The following ILDR1 variants were observed in gnomAD, a reference collection of about 807,000 sequenced individuals.
The protein encoded by ILDR1 is immunoglobulin like domain containing receptor 1.
In ILDR1, 56 loss-of-function variants were observed where a neutral mutation model predicts 62.4. The observed-to-expected ratio is 0.90, with a 90% CI of 0.72 to 1.12. The LOEUF is 1.12. ILDR1 is among the 50% of genes most tolerant of loss of function. The pLI is 0.00. For missense variants in ILDR1, 736 were observed against 710.6 expected (o/e 1.04, Z -0.41); for synonymous variants, 284 against 277.8 (o/e 1.02, Z -0.22).
intron 1 of ILDR1, 105 bp from the exon 2 acceptor site, chr3:122,007,266 C>A: frequency 6.4e-7 from 1 of 1,566,354 alleles, no homozygotes. Flanking sequence ...CCTGCCTGAC[C>A]TGGCTAGGAG....
intron 7 of ILDR1, among the ~76,000 whole-genome samples, chr3:121,988,715 A>T (rs145111668): frequency 4.5e-4 from 68 of 152,338 alleles, no homozygotes; most frequent in African/African-American, 1.6e-3. Context: ...CCTTAGACTG[A>T]AAAAGGGGTA....
upstream of ILDR1, among the ~76,000 whole-genome samples, chr3:122,023,050 T>C (rs1273063610): frequency 1.3e-5 from 2 of 150,948 alleles, no homozygotes; most frequent in Non-Finnish European, 3.0e-5. Flanking sequence ...TAAAAAGTTA[T>C]GGGAGTTTAA....
At chr3:122,007,745 G>A (rs552035785) in intron 1 of ILDR1, among the ~76,000 whole-genome samples, 16 of 152,224 alleles carry the variant, frequency 1.1e-4, no homozygotes, top group African/African-American at 3.9e-4. Flanking sequence ...ACCTGCCACT[G>A]CTCCACTCTC....
chr3:122,047,613 G>A, the ILDR1 span, among the ~76,000 whole-genome samples: 14 of 152,342 alleles, frequency 9.2e-5, no homozygotes, highest in South Asian at 2.1e-4. Context: ...ATATAATCTC[G>A]TGGTTCGCCG....
intron 1 of ILDR1, among the ~76,000 whole-genome samples, chr3:122,019,245 A>T (rs2071822899): frequency 2.0e-5 from 3 of 152,256 alleles, no homozygotes; most frequent in Admixed American, 2.0e-4. Context: ...TTCACATATC[A>T]CTTGTGATAT....
the ILDR1 span, chr3:122,055,345 T>A: frequency 1.4e-6 from 1 of 701,540 alleles, no homozygotes; most frequent in East Asian, 2.5e-5. Context: ...TAAAGAAAGT[T>A]AGCTGGGTAG....
rs188797724 is a variant in ILDR1, at chr3:122,019,726, C to T, written c.58+2294G>A. On this transcript the variant is annotated intron_variant, in intron 1 of 7. Transcript: ENST00000344209. ...CCCAAGCCACAGTGACCAGCAAATA[C>T]CTAAATATGACACAATTTTACTACT... Among the ~76,000 whole-genome samples, 5 of 152,264 alleles carry T rather than the reference C, an allele frequency of 3.3e-5. No homozygotes were observed. The East Asian group carries it at 9.6e-4, about 29-fold the overall frequency.
At position 122,011,297 on chromosome 3, in the gene ILDR1, AG is replaced by A. The variant is rs137973036; in HGVS notation, c.59-4137del. On this transcript the variant is annotated intron_variant, in intron 1 of 7. Transcript: ENST00000344209. ...GGGTCAGAAAAAGGAATTTGGTTAG[AG>A]TCAGAAATTGCTGTGGGGTAGCTTT... Among the ~76,000 whole-genome samples, 498 of 152,220 alleles carry A rather than the reference AG, an allele frequency of 3.3e-3. 2 individuals are homozygous for A. Among genetic ancestry groups the A allele is most frequent in the African/African-American group, 8.9e-3 (371 of 41,518 alleles).
the ILDR1 span, among the ~76,000 whole-genome samples, chr3:122,052,858 C>T: frequency 5.9e-5 from 9 of 152,174 alleles, no homozygotes; most frequent in African/African-American, 9.6e-5. Flanking sequence ...CATGAGCCAC[C>T]GCGCCCGGCC....
chr3:122,014,432 A>AT (rs201513577), intron 1 of ILDR1, among the ~76,000 whole-genome samples: 38 of 150,950 alleles, frequency 2.5e-4, no homozygotes, highest in Non-Finnish European at 5.0e-4. Flanking sequence ...ATGCAGATCT[A>AT]TTTTTTTTTA....
intron 1 of ILDR1, among the ~76,000 whole-genome samples, chr3:122,011,153 T>C (rs972952449): frequency 3.3e-5 from 5 of 152,210 alleles, no homozygotes; most frequent in Non-Finnish European, 7.3e-5. Context: ...ATAAAGAACA[T>C]GTAGGCTCCT....
the ILDR1 span, among the ~76,000 whole-genome samples, chr3:122,050,055 C>G: frequency 1.3e-5 from 2 of 152,194 alleles, no homozygotes; most frequent in South Asian, 2.1e-4. Flanking sequence ...AAGATAAAGT[C>G]TATTTTATCT....
chr3:122,036,877 G>C, the ILDR1 span, among the ~76,000 whole-genome samples: 6 of 152,202 alleles, frequency 3.9e-5, no homozygotes, highest in Admixed American at 2.0e-4. Flanking sequence ...TGCAGCCTCA[G>C]GATATGGCAC....
In ILDR1 at chr3:121,988,066, C is replaced by A; in HGVS notation, c.*301G>T. The A allele has an allele frequency of 2.4e-6, 1 of 416,786 alleles. No individual in the cohort carries two copies. 25.8% of individuals were successfully genotyped at this position (416,786 alleles called of 1,614,324 possible). On this transcript the variant is annotated 3_prime_UTR_variant, in exon 8 of 8. Coordinates refer to ENST00000344209, the MANE Select transcript of ILDR1 (RefSeq NM_001199799.2). ...TAGCTGGGACTACAAGTGCATGCCA[C>A]CACACCTAACTAATTTTTATATTTT...
chr3:121,993,681 T>G lies in ILDR1; in HGVS notation c.1068A>C (p.Pro356=). 6.2e-7 allele frequency: 1 copy of G among 1,614,032 alleles called. No homozygotes were observed. The highest frequency in any genetic ancestry group is 8.5e-7 in the Non-Finnish European group (1 of 1,179,968). ...SDSLHQQWLT[P]IPSRPWDLRE... ...TCAGATCCCAGGGCCTGGAGGGAAT[T>G]GGGGTGAGCCACTGCTGGTGCAGGG... The change falls in exon 7 of 8, where the codon CCA becomes CCC. Residue 356 remains proline (P), a synonymous_variant. Transcript: ENST00000344209.
the ILDR1 span, among the ~76,000 whole-genome samples, chr3:122,048,043 GCTTT>G: frequency 1.9e-4 from 29 of 152,340 alleles, no homozygotes; most frequent in African/African-American, 7.0e-4. Context: ...TCAAGGAAAA[GCTTT>G]CTGTTTTTCA....
At chr3:122,013,326 G>C (rs2071730806) in intron 1 of ILDR1, among the ~76,000 whole-genome samples, 2 of 152,116 alleles carry the variant, frequency 1.3e-5, no homozygotes, top group South Asian at 4.1e-4. Flanking sequence ...TGAAGGACTA[G>C]ATGGCACTTC....
chr3:122,011,274 G>T (rs1290878773), intron 1 of ILDR1, among the ~76,000 whole-genome samples: 2 of 152,106 alleles, frequency 1.3e-5, no homozygotes, highest in South Asian at 4.1e-4. Flanking sequence ...TTTGCTGGGG[G>T]TCAGAAAAAG....
the ILDR1 span, among the ~76,000 whole-genome samples, chr3:122,047,500 G>A: frequency 8.5e-5 from 13 of 152,330 alleles, no homozygotes; most frequent in African/African-American, 2.4e-4. Flanking sequence ...AATGGCGGGC[G>A]CCCCTCCCCC....
Sources: allele counts gnomAD v4.1 joint callset (sites outside exome capture counted in the v4.1 genomes callset), GRCh38; gene constraint gnomAD v4.1.1; transcripts MANE v1.5; gene names NCBI Gene and HGNC (gene_info 2026-07-23, HGNC 2026-07-21).